RGL1: variants seen among roughly 807,000 people sequenced by gnomAD.
The protein encoded by RGL1 is ral guanine nucleotide dissociation stimulator-like 1.
RGL1 carries 24 observed loss-of-function variants against 95.2 expected under a neutral mutation model. The ratio of observed to expected loss-of-function variants is 0.25; its 90% CI spans 0.18 to 0.35. The LOEUF (loss-of-function observed/expected upper bound fraction) is 0.35. RGL1 is among the 10% of genes least tolerant of loss of function. RGL1 has a pLI of 1.00. For synonymous variants in RGL1, 329 were observed against 344.9 expected, an observed-to-expected ratio of 0.95 and a Z score of 0.51; for missense variants, 715 against 936.3, an observed-to-expected ratio of 0.76 and a Z score of 3.08.
At chr1:183,641,373 A>C (rs768486796) in intron 1 of RGL1, among the ~76,000 whole-genome samples, 37 of 152,168 alleles carry the variant, frequency 2.4e-4, no homozygotes, top group Non-Finnish European at 4.3e-4. Flanking sequence ...GAGCACAAGC[A>C]ATCTGCCAGC....
At chr1:183,745,121 T>C (rs184825369) in intron 2 of RGL1, among the ~76,000 whole-genome samples, 20 of 152,292 alleles carry the variant, frequency 1.3e-4, no homozygotes, top group Non-Finnish European at 2.1e-4. Flanking sequence ...CCCTGAATTC[T>C]TGTGGCATTG....
intron 1 of RGL1, among the ~76,000 whole-genome samples, chr1:183,708,688 C>G (rs1655071327): frequency 6.6e-6 from 1 of 152,220 alleles, no homozygotes; most frequent in South Asian, 2.1e-4. Context: ...AACATTGGAT[C>G]TTTGGATTGG....
chr1:183,856,124 T>C (rs1411602133), intron 3 of RGL1, among the ~76,000 whole-genome samples: 1 of 152,158 alleles, frequency 6.6e-6, no homozygotes, highest in African/African-American at 2.4e-5. Context: ...CATACAATCA[T>C]ATTGAATATC....
Position 183,904,960 on chromosome 1 carries a change from AGAG to A in RGL1, c.1468_1470del (p.Glu490del). ...GGTTCCAGAGGCAGCAGCTCCTGAC[AGAG>A]GAGGAGAGGTGGGATCACCTGTCGT... On this transcript the variant is annotated inframe_deletion, in exon 13 of 18. Coordinates refer to ENST00000360851, the MANE Select transcript of RGL1 (RefSeq NM_001297671.3). 1.9e-6 allele frequency: 3 copies of A among 1,612,222 alleles called. No individual in the cohort carries two copies. The highest frequency in any genetic ancestry group is 2.5e-6 in the Non-Finnish European group (3 of 1,179,440).
At chr1:183,678,370 T>TA (rs1353972439) in intron 1 of RGL1, among the ~76,000 whole-genome samples, 1 of 152,236 alleles carries the variant, frequency 6.6e-6, no homozygotes, top group Admixed American at 6.5e-5. Flanking sequence ...ATATCAGACT[T>TA]ACTTCCAAAG....
At chr1:183,810,466 C>G (rs924201921) in intron 2 of RGL1, among the ~76,000 whole-genome samples, 1 of 152,186 alleles carries the variant, frequency 6.6e-6, no homozygotes, top group Non-Finnish European at 1.5e-5. Flanking sequence ...CCGTTTCCCA[C>G]ATAGGCTCTT....
intron 1 of RGL1, among the ~76,000 whole-genome samples, chr1:183,704,747 C>A (rs563888610): frequency 6.6e-6 from 1 of 152,034 alleles, no homozygotes; most frequent in South Asian, 2.1e-4. Flanking sequence ...AGCTGTTGGG[C>A]AGAGATGAGA....
rs1377380161 is a variant in RGL1 at position 183,724,340 on chromosome 1, G to T, written c.-32-17786G>T. ...TTAGGTACCAGCTCAGCCACAGCAG[G>T]GTAGAGCACTAAGTGGGCTCTTGGG... is the stretch of plus-strand genomic sequence containing the variant. On this transcript the variant is annotated intron_variant, in intron 1 of 18. Transcript: ENST00000304685. The surrounding 1 kb of genome is among the most constrained non-coding windows in gnomAD (Gnocchi z 4.1). Among the ~76,000 whole-genome samples the T allele has an allele frequency of 2.0e-5, 3 of 152,178 alleles. No individual in the cohort carries two copies. The highest frequency in any genetic ancestry group is 7.2e-5 in the African/African-American group (3 of 41,436).
At chr1:183,865,253 G>A (rs991955600) in intron 3 of RGL1, among the ~76,000 whole-genome samples, 11 of 152,170 alleles carry the variant, frequency 7.2e-5, no homozygotes, top group African/African-American at 2.4e-4. Flanking sequence ...AGGGACTGAT[G>A]AATTATTGAG....
chr1:183,875,134 C>T (rs948527461), intron 4 of RGL1, among the ~76,000 whole-genome samples: 14 of 152,216 alleles, frequency 9.2e-5, no homozygotes, highest in African/African-American at 2.9e-4. Context: ...AAAATGGTTC[C>T]ATGTCTTATT....
intron 1 of RGL1, among the ~76,000 whole-genome samples, chr1:183,658,811 C>G (rs1409701686): frequency 6.6e-6 from 1 of 152,166 alleles, no homozygotes; most frequent in Non-Finnish European, 1.5e-5. Context: ...AGGCACCCCC[C>G]AGTAGGGGCA....
chr1:183,679,072 TC>T (rs1427319320), intron 1 of RGL1, among the ~76,000 whole-genome samples: 2 of 152,224 alleles, frequency 1.3e-5, no homozygotes, highest in Admixed American at 6.5e-5. Flanking sequence ...CATCATTTGT[TC>T]CTGGCTCCTC....
chr1:183,685,201 G>C (rs890311073), intron 1 of RGL1, among the ~76,000 whole-genome samples: 1 of 151,882 alleles, frequency 6.6e-6, no homozygotes, highest in East Asian at 1.9e-4. Flanking sequence ...TTTAACTCAA[G>C]AACTTTAATT....
intron 2 of RGL1, among the ~76,000 whole-genome samples, chr1:183,846,028 C>A (rs1030906472): frequency 6.6e-6 from 1 of 152,216 alleles, no homozygotes; most frequent in African/African-American, 2.4e-5. Flanking sequence ...TTTGTCCCAA[C>A]AATCCCATTA....
intron 1 of RGL1, among the ~76,000 whole-genome samples, chr1:183,725,323 A>G (rs924011013): frequency 6.6e-6 from 1 of 152,208 alleles, no homozygotes; most frequent in African/African-American, 2.4e-5. Context: ...TATAAAGGAA[A>G]GAGGTTTAAT....
chr1:183,820,899 G>A (rs564831230), intron 2 of RGL1, among the ~76,000 whole-genome samples: 2 of 152,124 alleles, frequency 1.3e-5, no homozygotes, highest in African/African-American at 4.8e-5. Flanking sequence ...ACACCAGGCT[G>A]AGGCTGGTGG....
intron 1 of RGL1, among the ~76,000 whole-genome samples, chr1:183,638,720 A>G (rs1190050368): frequency 6.6e-6 from 1 of 152,142 alleles, no homozygotes; most frequent in African/African-American, 2.4e-5. Context: ...TAAAAGATTT[A>G]TAAGGTTTTA....
At chr1:183,639,811 C>T (rs575168201) in intron 1 of RGL1, among the ~76,000 whole-genome samples, 5 of 150,358 alleles carry the variant, frequency 3.3e-5, no homozygotes, top group African/African-American at 1.2e-4. Context: ...ACATATACAT[C>T]AAAGAAGGGA....
At chr1:183,795,147 G>T (rs1252346054) in intron 2 of RGL1, among the ~76,000 whole-genome samples, 5 of 152,136 alleles carry the variant, frequency 3.3e-5, no homozygotes, top group Non-Finnish European at 7.3e-5. Context: ...GGGATTACAG[G>T]CATGAGCCAC....
Sources: gnomAD v4.1 joint callset for allele counts (sites outside exome capture counted in the v4.1 genomes callset) on GRCh38, gnomAD v4.1.1 for gene constraint, Gnocchi (gnomAD v3.1) non-coding constraint, MANE v1.5 for transcripts, NCBI Gene and HGNC (gene_info 2026-07-23, HGNC 2026-07-21) for gene names.